RABGAP1L: variants seen among roughly 807,000 people sequenced by gnomAD.
RABGAP1L encodes the protein rab GTPase-activating protein 1-like.
RABGAP1L carries 63 observed loss-of-function variants against 137.7 expected under a neutral mutation model. That is an observed-to-expected ratio of 0.46 (90% confidence interval 0.37 to 0.56). RABGAP1L has a LOEUF of 0.56. RABGAP1L is among the 20% of genes least tolerant of loss of function. The probability of loss-of-function intolerance (pLI) is 0.00; values close to 1 mark genes in which losing one functional copy is unlikely to be tolerated. For synonymous variants in RABGAP1L, 431 were observed against 433.7 expected, an observed-to-expected ratio of 0.99 and a Z score of 0.08; for missense variants, 1,095 against 1,244.0, an observed-to-expected ratio of 0.88 and a Z score of 1.80.
At chr1:174,752,137 A>G (rs188084643) in intron 17 of RABGAP1L, among the ~76,000 whole-genome samples, 176 bp from the exon 18 acceptor site, 1 of 152,334 alleles carries the variant, frequency 6.6e-6, no homozygotes, top group East Asian at 1.9e-4. Context: ...CCTAAAATTT[A>G]TAACAAGCCA....
intron 14 of RABGAP1L, among the ~76,000 whole-genome samples, chr1:174,640,979 A>T (rs1381812395): frequency 1.2e-5 from 1 of 81,444 alleles, no homozygotes; most frequent in Non-Finnish European, 2.2e-5. Flanking sequence ...TATATTAATT[A>T]AATATAATTT....
intron 19 of RABGAP1L, among the ~76,000 whole-genome samples, chr1:174,883,251 C>G (rs1201783394): frequency 6.6e-6 from 1 of 152,160 alleles, no homozygotes; most frequent in African/African-American, 2.4e-5. Flanking sequence ...AATAGTATTA[C>G]CTCATTGGAA....
chr1:174,636,155 A>G (rs1397986761), intron 13 of RABGAP1L, among the ~76,000 whole-genome samples: 1 of 152,190 alleles, frequency 6.6e-6, no homozygotes, highest in Non-Finnish European at 1.5e-5. Context: ...ATGTTTAATC[A>G]TTTTTATAAG....
At chr1:174,499,605 A>G (rs1661069449) in intron 13 of RABGAP1L, among the ~76,000 whole-genome samples, 1 of 152,280 alleles carries the variant, frequency 6.6e-6, no homozygotes, top group South Asian at 2.1e-4. Context: ...ACCTTGGGCT[A>G]CCATTCCGAG....
chr1:174,306,577 T>A (rs1678273510), intron 11 of RABGAP1L, among the ~76,000 whole-genome samples: 1 of 152,232 alleles, frequency 6.6e-6, no homozygotes, highest in African/African-American at 2.4e-5. Context: ...AAGTATCTTA[T>A]GAGAAGTTTC....
rs1239035228 is a variant in RABGAP1L at position 174,448,512 on chromosome 1, G to C, written c.1710+54367G>C. The C allele has an allele frequency of 6.2e-7, 1 of 1,613,054 alleles. No individual in the cohort carries two copies. The highest frequency in any genetic ancestry group is 8.5e-7 in the Non-Finnish European group (1 of 1,179,056). ...AGTGTTTCTATGGCATGTCTTGCTT[G>C]CATCAGTGTGGATCGTTATCTTGCA... On this transcript the variant is annotated intron_variant, in intron 13 of 25. Transcript: ENST00000681986. The surrounding 1 kb of genome is among the most constrained non-coding windows in gnomAD (Gnocchi z 4.2).
intron 19 of RABGAP1L, among the ~76,000 whole-genome samples, chr1:174,860,810 A>AATAT (rs1282967695): frequency 4.6e-5 from 7 of 152,210 alleles, no homozygotes; most frequent in Non-Finnish European, 1.0e-4. Flanking sequence ...ATAAATGACA[A>AATAT]ATAAAAATTA....
At chr1:174,307,214 A>T (rs1678363189) in intron 11 of RABGAP1L, among the ~76,000 whole-genome samples, 1 of 152,184 alleles carries the variant, frequency 6.6e-6, no homozygotes, top group Non-Finnish European at 1.5e-5. Context: ...TGACTTTAAG[A>T]TTTGTACTTG....
At chr1:174,618,996 C>G (rs1009254954) in intron 13 of RABGAP1L, among the ~76,000 whole-genome samples, 16 of 152,128 alleles carry the variant, frequency 1.1e-4, no homozygotes, top group Non-Finnish European at 2.4e-4. Context: ...GACGAATGCA[C>G]AAGCCTCAGT....
chr1:174,661,476 T>G (rs114077534), intron 14 of RABGAP1L, among the ~76,000 whole-genome samples: 1,823 of 152,308 alleles, frequency 0.012, 40 homozygotes, highest in African/African-American at 0.042. Flanking sequence ...TAGAGTCAAT[T>G]TTTTAAATGT....
chr1:174,983,606 G>A (rs1427292943), intron 24 of RABGAP1L, among the ~76,000 whole-genome samples: 1 of 152,120 alleles, frequency 6.6e-6, no homozygotes, highest in Non-Finnish European at 1.5e-5. Flanking sequence ...GTAAATAAAT[G>A]TGTAGTAAGT....
intron 1 of RABGAP1L, among the ~76,000 whole-genome samples, chr1:174,164,537 C>G (rs1236705294): frequency 6.6e-6 from 1 of 152,128 alleles, no homozygotes; most frequent in South Asian, 2.1e-4. Context: ...GCTTGCAAGA[C>G]CAGTTGTGCA....
At chr1:174,328,000 T>TAC (rs1175192431) in intron 11 of RABGAP1L, among the ~76,000 whole-genome samples, 7 of 104,140 alleles carry the variant, frequency 6.7e-5, no homozygotes, top group African/African-American at 2.6e-4. Context: ...TATATATATA[T>TAC]ATATATATAT....
intron 7 of RABGAP1L, among the ~76,000 whole-genome samples, chr1:174,270,737 AT>A (rs1284542813): frequency 6.6e-5 from 10 of 152,064 alleles, no homozygotes; most frequent in African/African-American, 2.4e-4. Context: ...GGGAGAAATT[AT>A]TTTTTCTTTA....
intron 11 of RABGAP1L, among the ~76,000 whole-genome samples, chr1:174,327,990 T>TATATACAC (rs1680648657): frequency 1.1e-4 from 4 of 36,364 alleles, no homozygotes; most frequent in African/African-American, 4.0e-4. Flanking sequence ...CACACACATA[T>TATATACAC]ATATATATAT....
rs915579860 is a variant in RABGAP1L at position 174,231,307 on chromosome 1, C to G, written c.494C>G (p.Pro165Arg). 3 of 1,613,980 alleles carry G rather than the reference C, an allele frequency of 1.9e-6. No individual in the cohort carries two copies. Among genetic ancestry groups the G allele is most frequent in the African/African-American group, 1.3e-5 (1 of 74,910 alleles). ...MATMKSSSQY[P>R]FPVTLYVPNV... The stretch of plus-strand genomic sequence containing the variant: ...ACCATGAAATCTTCCAGTCAATACC[C>G]CTTTCCTGTTACCCTGTATGTACCA... Residue 165 changes from proline to arginine, a missense_variant, in exon 4 of 26, where the codon CCC (proline) becomes CGC (arginine). Pro to Arg is a moderately radical substitution (Grantham distance 103, BLOSUM62 -2). This residue lies in a region of RABGAP1L where 356 missense variants were observed against 326.3 expected (regional missense o/e 1.09). Transcript: ENST00000681986.
intron 11 of RABGAP1L, among the ~76,000 whole-genome samples, chr1:174,366,951 T>C (rs951300250): frequency 6.6e-6 from 1 of 152,126 alleles, no homozygotes; most frequent in Admixed American, 6.6e-5. Flanking sequence ...CAGGGCATTA[T>C]TTTATCCTTT....
At chr1:174,769,930 A>C (rs765525617) in intron 18 of RABGAP1L, among the ~76,000 whole-genome samples, 1 of 152,180 alleles carries the variant, frequency 6.6e-6, no homozygotes, top group African/African-American at 2.4e-5. Flanking sequence ...TGATGTACCA[A>C]CTTGGGTTAA....
intron 18 of RABGAP1L, among the ~76,000 whole-genome samples, chr1:174,784,187 T>G (rs923142398): frequency 6.6e-6 from 1 of 151,434 alleles, no homozygotes; most frequent in Non-Finnish European, 1.5e-5. Context: ...GCCCGGCCAA[T>G]TTTTTGTATT....
Sources: gnomAD v4.1 joint callset for allele counts (sites outside exome capture counted in the v4.1 genomes callset) on GRCh38, gnomAD v4.1.1 for gene constraint, gnomAD v4.1.1 regional missense constraint, Gnocchi (gnomAD v3.1) non-coding constraint, MANE v1.5 for transcripts, NCBI Gene and HGNC (gene_info 2026-07-23, HGNC 2026-07-21) for gene names.